The following ACAN variants were observed in gnomAD, a reference collection of about 807,000 sequenced individuals.
ACAN encodes aggrecan core protein.
Under a neutral mutation model 169.1 loss-of-function variants are expected in ACAN, and 47 were observed. The observed-to-expected ratio is 0.28, with a 90% CI of 0.22 to 0.35. The LOEUF (loss-of-function observed/expected upper bound fraction) is 0.35, where lower values mean the gene tolerates loss of function less well. ACAN is among the 10% of genes least tolerant of loss of function. The pLI, the probability that ACAN is intolerant of heterozygous loss-of-function variation, is 1.00. For synonymous variants in ACAN, 1,115 were observed against 1,112.2 expected, an observed-to-expected ratio of 1.00 and a Z score of -0.05; for missense variants, 2,716 against 2,759.9, an observed-to-expected ratio of 0.98 and a Z score of 0.36.
chr15:88,848,752 C>A (rs1896856592), intron 9 of ACAN, among the ~76,000 whole-genome samples: 1 of 152,228 alleles, frequency 6.6e-6, no homozygotes, highest in Non-Finnish European at 1.5e-5. Flanking sequence ...TTGCCACTCA[C>A]TCGTTTCAAG....
Position 88,873,983 on chromosome 15 carries a change from C to T in ACAN, c.7589C>T (p.Pro2530Leu). The T allele has an allele frequency of 6.2e-7, 1 of 1,612,906 alleles. No homozygotes were observed. The highest frequency in any genetic ancestry group is 8.5e-7 in the Non-Finnish European group (1 of 1,179,822). Residue 2530 changes from proline to leucine, a missense_variant, in exon 18 of 19, where the codon CCC (proline) becomes CTC (leucine). Physicochemically the swap from Pro to Leu is moderately conservative, Grantham distance 98 (BLOSUM62 -3). Transcript: ENST00000560601. The surrounding 1 kb of genome is among the most constrained non-coding windows in gnomAD (Gnocchi z 7.5). Reference protein sequence around the residue: ...QRHMPTIRCQPSGHWEEPQIT... With the variant: ...QRHMPTIRCQLSGHWEEPQIT... The stretch of plus-strand genomic sequence containing the variant: ...CACATGCCCACCATCCGGTGCCAGC[C>T]CAGCGGGCACTGGGAGGAGCCTCAG...
At position 88,845,574 on chromosome 15, in the gene ACAN, C is replaced by T. The variant is rs773517396; in HGVS notation, c.1121C>T (p.Thr374Ile). 2 of 1,614,014 alleles carry T rather than the reference C, an allele frequency of 1.2e-6. No homozygotes were observed. Among genetic ancestry groups the T allele is most frequent in the Admixed American group, 3.3e-5 (2 of 60,036 alleles). Residue 374 changes from threonine (T) to isoleucine (I), a missense_variant, in exon 7 of 19, where the codon ACA (threonine) becomes ATA (isoleucine). Physicochemically the swap from Thr to Ile is moderately conservative, Grantham distance 89. Around this residue, in one of 3 missense-constraint regions of ACAN, gnomAD observed 1,283 missense variants for 1,281.5 expected, o/e 1.00. Transcript: ENST00000560601. Reference protein sequence around the residue: ...VGGEEDITVQTVTWPDMELPL... With the variant: ...VGGEEDITVQIVTWPDMELPL... ...GGTGAGGAGGACATCACCGTCCAGA[C>T]AGTGACCTGGCCTGACATGGAGCTG...
In ACAN at chr15:88,854,727, C is replaced by T. The variant is rs556654788; in HGVS notation, c.2267-125C>T. On this transcript the variant is annotated intron_variant, in intron 11 of 18. Transcript: ENST00000560601. ...AGTTCCATTAGAAAGCATTTGGACA[C>T]GTTGCTGAGCTCTTGAGAGAAAAAT... 5.4e-5 allele frequency: 57 copies of T among 1,054,164 alleles called. No homozygotes were observed. The East Asian group carries it at 6.3e-4, about 12-fold the overall frequency. 65.3% of individuals were successfully genotyped at this position (1,054,164 alleles called of 1,614,324 possible). A position where few individuals can be genotyped will look rare whatever the true frequency, so the allele number is the denominator to read the frequency against.
At chr15:88,820,635 A>C (rs4932430) in intron 1 of ACAN, among the ~76,000 whole-genome samples, 81,123 of 151,916 alleles carry the variant, frequency 0.53, 22,340 homozygotes, top group East Asian at 0.91. Context: ...CATCAAGGCT[A>C]AACTCAAATC....
chr15:88,834,587 T>G (rs1896453478), intron 1 of ACAN, among the ~76,000 whole-genome samples: 1 of 152,234 alleles, frequency 6.6e-6, no homozygotes, highest in South Asian at 2.1e-4. Flanking sequence ...CTCCAATCTT[T>G]TCTTTAGTCC....
chr15:88,855,248 G>C lies in ACAN; in HGVS notation c.2663G>C (p.Gly888Ala), dbSNP rs763199875. The C allele has an allele frequency of 6.2e-7, 1 of 1,605,934 alleles. No individual in the cohort carries two copies. The change falls in exon 12 of 19, where the codon GGG (glycine) becomes GCG (alanine). Residue 888 changes from glycine (G) to alanine (A), a missense_variant. This residue lies in a region of ACAN where 1,283 missense variants were observed against 1,281.5 expected (regional missense o/e 1.00). Coordinates refer to ENST00000560601, the MANE Select transcript of ACAN (RefSeq NM_001369268.1). ...CTTGACTTCAGTGGGCAGCTGTCAG[G>C]GGACAGGGCAAGTGGACTGCCCTCT... ...GHLDFSGQLSGDRASGLPSGD... is the reference protein window; with the variant it reads ...GHLDFSGQLSADRASGLPSGD...
rs1896550373 is a variant in ACAN, at chr15:88,838,051, C to T, written c.71-612C>T. Among the ~76,000 whole-genome samples the T allele has an allele frequency of 6.6e-6, 1 of 151,914 alleles. No homozygotes were observed. Among genetic ancestry groups the T allele is most frequent in the South Asian group, 2.1e-4 (1 of 4,808 alleles). ...GTCTGATCCTATCCCATCGCCTCTC[C>T]TGCATCTGACTGTTTGCACACCAAA... is the stretch of plus-strand genomic sequence containing the variant. On this transcript the variant is annotated intron_variant, in intron 2 of 18. Coordinates refer to ENST00000560601, the MANE Select transcript of ACAN (RefSeq NM_001369268.1). This position sits in a 1 kb window ranked among gnomAD's most constrained non-coding sequence, Gnocchi z 5.1.
Position 88,858,990 on chromosome 15 carries a change from A to C in ACAN, c.6405A>C (p.Ala2135=), listed in dbSNP as rs1312129777. 6.2e-7 allele frequency: 1 copy of C among 1,613,834 alleles called. No homozygotes were observed. Among genetic ancestry groups the C allele is most frequent in the Non-Finnish European group, 8.5e-7 (1 of 1,179,894 alleles). ...CTGATCTGAGTGAAACCACCTCTGCATTCCACGAAGCTAACCTTGAGAGAT... is the reference window on the plus strand; with the variant it reads ...CTGATCTGAGTGAAACCACCTCTGCCTTCCACGAAGCTAACCTTGAGAGAT... ...GSPDLSETTS[A]FHEANLERSS... is the part of the protein sequence containing the mutation. The change falls in exon 12 of 19, where the codon GCA becomes GCC. Residue 2135 remains alanine (A), a synonymous_variant. Transcript: ENST00000560601. This position sits in a 1 kb window ranked among gnomAD's most constrained non-coding sequence, Gnocchi z 4.0.
chr15:88,872,206 C>A lies in ACAN; in HGVS notation c.7302+121C>A. 1.2e-6 allele frequency: 1 copy of A among 826,382 alleles called. No individual in the cohort carries two copies. Among genetic ancestry groups the A allele is most frequent in the Non-Finnish European group, 2.0e-6 (1 of 504,830 alleles). The allele number at this position is 826,382 out of a possible 1,614,324, so 51.2% of individuals were successfully genotyped here. A position where few individuals can be genotyped will look rare whatever the true frequency, so the allele number is the denominator to read the frequency against. On this transcript the variant is annotated intron_variant, in intron 16 of 18. Coordinates refer to ENST00000560601, the MANE Select transcript of ACAN (RefSeq NM_001369268.1). This position sits in a 1 kb window ranked among gnomAD's most constrained non-coding sequence, Gnocchi z 5.4. ...CGCTTACCAGCTGCTGGACCGGGAA[C>A]CCTTGAGGGCAGGGATTATCTCCTT...
chr15:88,874,492 C>G lies in ACAN; in HGVS notation c.*11C>G, dbSNP rs1179552130. ...AGCACAGCCCACTGAGAAGAGCTTC[C>G]AGGACGCACCCAGGACGCTGAGCCC... On this transcript the variant is annotated 3_prime_UTR_variant, in exon 19 of 19. Transcript: ENST00000560601. The surrounding 1 kb of genome is among the most constrained non-coding windows in gnomAD (Gnocchi z 7.3). 6.3e-7 allele frequency: 1 copy of G among 1,592,148 alleles called. No homozygotes were observed.
rs925924677 is a variant in ACAN, at chr15:88,872,820, G to A, written c.7303-61G>A. The A allele has an allele frequency of 2.9e-5, 46 of 1,566,884 alleles. No individual in the cohort carries two copies. The African/African-American group carries it at 3.9e-4, about 13-fold the overall frequency. ...AAGAGGCTCCACGGGGAAGACAGTCGGAGCAGGCCAACCCGCACTGTCCTG... is the reference window on the plus strand; with the variant it reads ...AAGAGGCTCCACGGGGAAGACAGTCAGAGCAGGCCAACCCGCACTGTCCTG... On this transcript the variant is annotated intron_variant, in intron 16 of 18. Coordinates refer to ENST00000560601, the MANE Select transcript of ACAN (RefSeq NM_001369268.1). This position sits in a 1 kb window ranked among gnomAD's most constrained non-coding sequence, Gnocchi z 5.4.
At position 88,838,877 on chromosome 15, in the gene ACAN, G is replaced by T. The variant is rs2141563779; in HGVS notation, c.285G>T (p.Arg95=). 6.2e-7 allele frequency: 1 copy of T among 1,614,020 alleles called. No homozygotes were observed. Among genetic ancestry groups the T allele is most frequent in the Non-Finnish European group, 8.5e-7 (1 of 1,179,902 alleles). The change falls in exon 3 of 19, where the codon CGG becomes CGT. Residue 95 remains arginine (R), a synonymous_variant. Coordinates refer to ENST00000560601, the MANE Select transcript of ACAN (RefSeq NM_001369268.1). This position sits in a 1 kb window ranked among gnomAD's most constrained non-coding sequence, Gnocchi z 5.1. Reference sequence around the variant, plus strand: ...TGGTGGCCACTGAAGGGCGCGTGCGGGTCAACAGTGCCTATCAGGACAAGG... The same window carrying T: ...TGGTGGCCACTGAAGGGCGCGTGCGTGTCAACAGTGCCTATCAGGACAAGG... ...VLLVATEGRV[R]VNSAYQDKVS... is the part of the protein sequence containing the mutation.
Position 88,807,209 on chromosome 15 carries a change from G to C in ACAN, c.-8+3400G>C, listed in dbSNP as rs1322223838. On this transcript the variant is annotated intron_variant, in intron 1 of 18. Transcript: ENST00000560601. The surrounding 1 kb of genome is among the most constrained non-coding windows in gnomAD (Gnocchi z 4.0). Reference sequence around the variant, plus strand: ...TGGGGAAAGGCAAGTTCAAGGAAGAGGACCCAGAGTCAGAGAGGAAGCAGG... The same window carrying C: ...TGGGGAAAGGCAAGTTCAAGGAAGACGACCCAGAGTCAGAGAGGAAGCAGG... 1.3e-5 allele frequency among the ~76,000 whole-genome samples: 2 copies of C among 152,092 alleles called. No individual in the cohort carries two copies. The highest frequency in any genetic ancestry group is 2.9e-5 in the Non-Finnish European group (2 of 68,020).
chr15:88,852,604 G>C (rs768168051), intron 11 of ACAN, among the ~76,000 whole-genome samples: 1 of 152,196 alleles, frequency 6.6e-6, no homozygotes, highest in Non-Finnish European at 1.5e-5. Flanking sequence ...TAAAGTGTTT[G>C]GTGGCCACTA....
At chr15:88,806,990 T>C (rs922000785) in intron 1 of ACAN, among the ~76,000 whole-genome samples, 1 of 152,254 alleles carries the variant, frequency 6.6e-6, no homozygotes, top group African/African-American at 2.4e-5. Context: ...AATATAAATG[T>C]ATATATGCAA....
At chr15:88,859,469 C>T in intron 12 of ACAN, 52 bp downstream of exon 12, 3 of 1,550,444 alleles carry the variant, frequency 1.9e-6, no homozygotes, top group Non-Finnish European at 2.6e-6. Context: ...CAGACTGTAG[C>T]CTACTGCAGC....
In ACAN at chr15:88,855,267, G is replaced by A; in HGVS notation, c.2682G>A (p.Leu894=). Residue 894 remains leucine (L), a synonymous_variant, in exon 12 of 19, where the codon CTG becomes CTA. Coordinates refer to ENST00000560601, the MANE Select transcript of ACAN (RefSeq NM_001369268.1). The part of the protein sequence containing the change: ...GQLSGDRASG[L]PSGDLDSSGL... ...TGTCAGGGGACAGGGCAAGTGGACT[G>A]CCCTCTGGAGACCTGGACTCCAGTG... The A allele has an allele frequency of 1.2e-6, 2 of 1,609,902 alleles. No individual in the cohort carries two copies. Among genetic ancestry groups the A allele is most frequent in the Admixed American group, 1.7e-5 (1 of 59,948 alleles).
chr15:88,840,026 T>C lies in ACAN; in HGVS notation c.469T>C (p.Tyr157His). 6.2e-7 allele frequency: 1 copy of C among 1,600,616 alleles called. No individual in the cohort carries two copies. Among genetic ancestry groups the C allele is most frequent in the South Asian group, 1.1e-5 (1 of 88,438 alleles). The change falls in exon 4 of 19, where the codon TAC becomes CAC. Residue 157 changes from tyrosine (Y) to histidine (H), a missense_variant. Physicochemically the swap from Tyr to His is moderately conservative, Grantham distance 83. Coordinates refer to ENST00000560601, the MANE Select transcript of ACAN (RefSeq NM_001369268.1). Reference protein sequence around the residue: ...EVVVKGIVFHYRAISTRYTLD... With the variant: ...EVVVKGIVFHHRAISTRYTLD... ...GTGTCTTGCAGGCATCGTGTTCCAT[T>C]ACAGAGCCATCTCTACACGCTACAC...
intron 1 of ACAN, among the ~76,000 whole-genome samples, chr15:88,817,680 C>G (rs2141507264): frequency 6.6e-6 from 1 of 151,280 alleles, no homozygotes; most frequent in East Asian, 2.0e-4. Flanking sequence ...ATGGTGAAAC[C>G]CTGTCTCTAC....
Sources: gnomAD v4.1 joint callset for allele counts (sites outside exome capture counted in the v4.1 genomes callset) on GRCh38, gnomAD v4.1.1 for gene constraint, gnomAD v4.1.1 regional missense constraint, Gnocchi (gnomAD v3.1) non-coding constraint, MANE v1.5 for transcripts, NCBI Gene and HGNC (gene_info 2026-07-23, HGNC 2026-07-21) for gene names.